Variants in FGGY observed in about 807,000 individuals in gnomAD.
The protein encoded by FGGY is FGGY carbohydrate kinase domain containing.
Under a neutral mutation model 71.3 loss-of-function variants are expected in FGGY, and 72 were observed. The observed-to-expected ratio is 1.01, with a 90% CI of 0.84 to 1.23. The LOEUF (loss-of-function observed/expected upper bound fraction) is 1.23, where lower values mean the gene tolerates loss of function less well. Ranked by LOEUF, FGGY falls within the 50% of genes most tolerant of loss-of-function variation. FGGY has a pLI of 0.00. For missense variants in FGGY, 668 were observed against 682.3 expected, an observed-to-expected ratio of 0.98 and a Z score of 0.23; for synonymous variants, 251 against 250.3, an observed-to-expected ratio of 1.00 and a Z score of -0.02.
At chr1:59,382,767 A>G (rs1021637056) in intron 5 of FGGY, among the ~76,000 whole-genome samples, 2 of 152,180 alleles carry the variant, frequency 1.3e-5, no homozygotes, top group Non-Finnish European at 2.9e-5. Context: ...CTGCAAATCC[A>G]GAGGACTCAA....
intron 8 of FGGY, among the ~76,000 whole-genome samples, chr1:59,601,201 C>G (rs1422723002): frequency 6.6e-6 from 1 of 152,188 alleles, no homozygotes; most frequent in Non-Finnish European, 1.5e-5. Context: ...CCCAGGACGA[C>G]TGGCGCCTGG....
intron 6 of FGGY, 42 bp from the exon 7 acceptor site, chr1:59,512,269 T>C: frequency 6.4e-7 from 1 of 1,562,580 alleles, no homozygotes; most frequent in South Asian, 1.2e-5. Flanking sequence ...ACTTTTGTGT[T>C]TTTCAAACTG....
At chr1:59,470,602 T>C (rs781605611) in intron 6 of FGGY, among the ~76,000 whole-genome samples, 19 of 152,212 alleles carry the variant, frequency 1.2e-4, no homozygotes, top group Non-Finnish European at 2.1e-4. Flanking sequence ...TTCACACCAA[T>C]ACTACCTCAT....
chr1:59,699,596 T>A (rs2097693210), intron 14 of FGGY, among the ~76,000 whole-genome samples: 1 of 152,124 alleles, frequency 6.6e-6, no homozygotes, highest in African/African-American at 2.4e-5. Context: ...TTTACCAGGC[T>A]TCCAATATGC....
intron 9 of FGGY, among the ~76,000 whole-genome samples, chr1:59,611,263 C>T (rs1413356994): frequency 6.6e-6 from 1 of 152,162 alleles, no homozygotes; most frequent in Non-Finnish European, 1.5e-5. Flanking sequence ...AGACACCTCC[C>T]AGTAGGGGCC....
intron 2 of FGGY, among the ~76,000 whole-genome samples, chr1:59,323,005 GAGA>G (rs751233620): frequency 3.3e-5 from 5 of 152,236 alleles, no homozygotes; most frequent in Non-Finnish European, 7.4e-5. Flanking sequence ...AGTGCCCCCG[GAGA>G]AGAAGGCAGA....
At chr1:59,736,267 C>T (rs35130026) in intron 14 of FGGY, among the ~76,000 whole-genome samples, 43,388 of 151,964 alleles carry the variant, frequency 0.29, 7,549 homozygotes, top group Middle Eastern at 0.39. Context: ...TTATCAGCAG[C>T]GTGAAAATAG....
intron 7 of FGGY, among the ~76,000 whole-genome samples, chr1:59,513,497 A>G (rs1217493195): frequency 2.0e-5 from 3 of 152,190 alleles, no homozygotes; most frequent in African/African-American, 7.2e-5. Flanking sequence ...TGCAAGACCC[A>G]TATCAGATGC....
At chr1:59,666,773 CCTT>C (rs140140249) in intron 12 of FGGY, among the ~76,000 whole-genome samples, 4,573 of 152,216 alleles carry the variant, frequency 0.03, 229 homozygotes, top group African/African-American at 0.1. Context: ...TTGGATCTCA[CCTT>C]CTTTATGCAG....
At chr1:59,331,187 T>C (rs528389686) in intron 2 of FGGY, among the ~76,000 whole-genome samples, 1 of 152,060 alleles carries the variant, frequency 6.6e-6, no homozygotes, top group South Asian at 2.1e-4. Flanking sequence ...AGGAAGGAGG[T>C]AGAGGCTATT....
rs370905004 is a variant in FGGY, at chr1:59,737,562, C to A, written c.1513-20369C>A. 1.9e-3 allele frequency among the ~76,000 whole-genome samples: 292 copies of A among 152,318 alleles called. 2 individuals are homozygous for A. The highest frequency in any genetic ancestry group is 6.7e-3 in the African/African-American group (277 of 41,572). On this transcript the variant is annotated intron_variant, in intron 14 of 15. Coordinates refer to ENST00000303721, the MANE Select transcript of FGGY (RefSeq NM_018291.5). ...TTTTGTAGTTTTAAGATTTGACTGC[C>A]TCACTGGATTTTGGACTAGCATGGG...
At chr1:59,482,612 ATG>A (rs146094657) in intron 6 of FGGY, among the ~76,000 whole-genome samples, 70,215 of 147,308 alleles carry the variant, frequency 0.48, 16,858 homozygotes, top group Middle Eastern at 0.56. Flanking sequence ...ATATATACAT[ATG>A]TGTGTGTGTG....
At chr1:59,545,604 A>G (rs962818274) in intron 7 of FGGY, among the ~76,000 whole-genome samples, 1 of 152,172 alleles carries the variant, frequency 6.6e-6, no homozygotes, top group Non-Finnish European at 1.5e-5. Flanking sequence ...CTAAGTCTCA[A>G]ATTTCCAAGC....
chr1:59,304,249 T>G (rs1260395580), intron 1 of FGGY, among the ~76,000 whole-genome samples: 1 of 152,144 alleles, frequency 6.6e-6, no homozygotes, highest in African/African-American at 2.4e-5. Context: ...TGAGTTGATT[T>G]TTGTGTATAG....
intron 14 of FGGY, among the ~76,000 whole-genome samples, chr1:59,722,714 A>G (rs539678394): frequency 3.5e-4 from 54 of 152,326 alleles, no homozygotes; most frequent in African/African-American, 1.3e-3. Context: ...TGGCACTACA[A>G]GGCACTTTAG....
chr1:59,738,806 ATG>A (rs2098125265), intron 14 of FGGY, among the ~76,000 whole-genome samples: 1 of 152,212 alleles, frequency 6.6e-6, no homozygotes, highest in African/African-American at 2.4e-5. Flanking sequence ...AATTTTATAA[ATG>A]AGGAAATTCC....
In FGGY at chr1:59,377,651, G is replaced by A. The variant is rs528776005; in HGVS notation, c.466-1098G>A. Among the ~76,000 whole-genome samples the A allele has an allele frequency of 2.0e-5, 3 of 152,066 alleles. No homozygotes were observed. In the East Asian group the frequency reaches 5.8e-4, roughly 29 times the overall value. The stretch of plus-strand genomic sequence containing the variant: ...AATGATTGTGGGGGTGGTATGGGTT[G>A]TATGACAACTAGACCTAAACTAACA... On this transcript the variant is annotated intron_variant, in intron 4 of 15. Transcript: ENST00000303721.
intron 14 of FGGY, among the ~76,000 whole-genome samples, chr1:59,677,696 T>A (rs2097450471): frequency 6.6e-6 from 1 of 152,218 alleles, no homozygotes. Flanking sequence ...GAGAATTTTA[T>A]CAGGGGAAGG....
intron 7 of FGGY, among the ~76,000 whole-genome samples, chr1:59,544,177 ATTTATGTAATATGT>A (rs1382976156): frequency 6.6e-6 from 1 of 152,230 alleles, no homozygotes; most frequent in Admixed American, 6.5e-5. Flanking sequence ...AAGCATACAC[ATTTATGTAATATGT>A]TTTATGTGAT....
Sources: allele counts gnomAD v4.1 joint callset (sites outside exome capture counted in the v4.1 genomes callset), GRCh38; gene constraint gnomAD v4.1.1; transcripts MANE v1.5; gene names NCBI Gene and HGNC (gene_info 2026-07-23, HGNC 2026-07-21).